The following COBL variants were observed in gnomAD, a reference collection of about 807,000 sequenced individuals.
COBL encodes the protein cordon-bleu WH2 repeat protein, also known as protein cordon-bleu.
A neutral mutation model predicts 98.8 loss-of-function variants in COBL; 51 were observed. The ratio of observed to expected loss-of-function variants is 0.52; its 90% CI spans 0.41 to 0.65. The LOEUF is 0.65. Ranked by LOEUF, COBL falls within the 30% of genes least tolerant of loss-of-function variation. The pLI is 0.00. For synonymous variants in COBL, 634 were observed against 651.7 expected (o/e 0.97, Z 0.41); for missense variants, 1,617 against 1,617.5 (o/e 1.00, Z 0.01).
intron 5 of COBL, among the ~76,000 whole-genome samples, chr7:51,166,315 AC>A (rs1192075548): frequency 1.3e-5 from 2 of 152,116 alleles, no homozygotes; most frequent in Non-Finnish European, 2.9e-5. Flanking sequence ...ATTGGTGGCT[AC>A]TATGAGCAAC....
chr7:51,142,079 A>T (rs2129012666), intron 5 of COBL, among the ~76,000 whole-genome samples: 1 of 152,306 alleles, frequency 6.6e-6, no homozygotes, highest in African/African-American at 2.4e-5. Context: ...AGAAAGAACC[A>T]TGAAGCATGC....
At chr7:51,274,289 G>A (rs1379273747) in intron 1 of COBL, among the ~76,000 whole-genome samples, 2 of 152,112 alleles carry the variant, frequency 1.3e-5, no homozygotes, top group African/African-American at 2.4e-5. Flanking sequence ...CTCACTGCTC[G>A]CAGGAGAAGA....
intron 1 of COBL, among the ~76,000 whole-genome samples, chr7:51,284,279 C>T (rs557472481): frequency 2.7e-5 from 4 of 150,398 alleles, no homozygotes; most frequent in African/African-American, 7.3e-5. Flanking sequence ...CCAGCCTGGG[C>T]AACAGAGCAA....
At chr7:51,239,842 A>G (rs1795609649) in intron 1 of COBL, among the ~76,000 whole-genome samples, 2 of 152,174 alleles carry the variant, frequency 1.3e-5, no homozygotes, top group South Asian at 2.1e-4. Flanking sequence ...TGTTTTATTG[A>G]TTGTCTAGAT....
rs80316706 is a variant in COBL at position 51,167,503 on chromosome 7, G to A, written c.783+16599C>T. ...GTATTGCTAAAATTTCCATACTACC[G>A]TAAGCATTCTACAAATTCAATGCAA... On this transcript the variant is annotated intron_variant, in intron 5 of 12. Coordinates refer to ENST00000265136, the MANE Select transcript of COBL (RefSeq NM_015198.5). 5.5e-3 allele frequency among the ~76,000 whole-genome samples: 835 copies of A among 151,718 alleles called. 8 individuals carry two copies. Among genetic ancestry groups the A allele is most frequent in the African/African-American group, 0.018 (762 of 41,380 alleles).
intron 7 of COBL, among the ~76,000 whole-genome samples, chr7:51,048,956 T>TATAGATATA (rs1789980784): frequency 1.3e-5 from 2 of 152,212 alleles, no homozygotes; most frequent in African/African-American, 4.8e-5. Context: ...CTTTTCCTCT[T>TATAGATATA]ATAGATATAA....
chr7:51,209,018 C>G (rs1792122755), intron 2 of COBL, among the ~76,000 whole-genome samples: 1 of 138,424 alleles, frequency 7.2e-6, no homozygotes, highest in Non-Finnish European at 1.5e-5. Flanking sequence ...AAATCCCCCT[C>G]TGTGAGAAAC....
intron 5 of COBL, among the ~76,000 whole-genome samples, chr7:51,142,029 G>A (rs1438416848): frequency 6.6e-6 from 1 of 152,100 alleles, no homozygotes; most frequent in Non-Finnish European, 1.5e-5. Context: ...CTGTCTTCTG[G>A]CATCCTGGAA....
At chr7:51,145,386 T>C (rs77181612) in intron 5 of COBL, among the ~76,000 whole-genome samples, 4 of 118,064 alleles carry the variant, frequency 3.4e-5, no homozygotes, top group East Asian at 2.8e-4. Context: ...CTTTTTTTTT[T>C]CTTTTTTTTC....
At chr7:51,045,299 AG>A (rs1189509622) in intron 7 of COBL, among the ~76,000 whole-genome samples, 1 of 152,246 alleles carries the variant, frequency 6.6e-6, no homozygotes, top group East Asian at 1.9e-4. Flanking sequence ...TGCTGCCCAC[AG>A]GGTCCCTGTT....
chr7:51,181,102 C>T (rs1351066060), intron 5 of COBL, among the ~76,000 whole-genome samples: 1 of 152,168 alleles, frequency 6.6e-6, no homozygotes, highest in Non-Finnish European at 1.5e-5. Context: ...CTCACTAAAA[C>T]ATCTTTTCTT....
At chr7:51,192,593 T>C (rs929553782) in intron 3 of COBL, among the ~76,000 whole-genome samples, 6 of 151,890 alleles carry the variant, frequency 4.0e-5, no homozygotes, top group African/African-American at 1.5e-4. Flanking sequence ...GCAACAAGAG[T>C]GAAGCTCCGT....
intron 1 of COBL, among the ~76,000 whole-genome samples, chr7:51,253,956 A>C (rs1273483401): frequency 1.3e-5 from 2 of 152,180 alleles, no homozygotes; most frequent in African/African-American, 2.4e-5. Flanking sequence ...ATATATAAAA[A>C]CTTGTGTAGT....
intron 6 of COBL, among the ~76,000 whole-genome samples, chr7:51,097,795 G>A (rs1198410146): frequency 2.6e-5 from 4 of 152,012 alleles, no homozygotes; most frequent in African/African-American, 7.3e-5. Context: ...AGGCCGAGGC[G>A]GGTGGATCAC....
In COBL at chr7:51,181,899, A is replaced by G. The variant is rs76914254; in HGVS notation, c.783+2203T>C. Among the ~76,000 whole-genome samples, 211 of 152,278 alleles carry G rather than the reference A, an allele frequency of 1.4e-3. 2 individuals carry two copies. The East Asian group carries it at 0.034, about 25-fold the overall frequency. ...ATCCACGGACGGGACTGGATCACTGACTGCGCCTTCACTGCTGTGTTGCCA... is the reference window on the plus strand; with the variant it reads ...ATCCACGGACGGGACTGGATCACTGGCTGCGCCTTCACTGCTGTGTTGCCA... On this transcript the variant is annotated intron_variant, in intron 5 of 12. Coordinates refer to ENST00000265136, the MANE Select transcript of COBL (RefSeq NM_015198.5).
At chr7:51,263,537 GTTC>G (rs1309748738) in intron 1 of COBL, among the ~76,000 whole-genome samples, 3 of 152,048 alleles carry the variant, frequency 2.0e-5, no homozygotes, top group Non-Finnish European at 4.4e-5. Flanking sequence ...AGAAAAAAAA[GTTC>G]TTTTTTTTTT....
At position 51,212,743 on chromosome 7, in the gene COBL, T is replaced by C. The variant is rs538149616; in HGVS notation, c.245+6998A>G. 1.4e-4 allele frequency among the ~76,000 whole-genome samples: 21 copies of C among 152,318 alleles called. No individual in the cohort carries two copies. In the South Asian group the frequency reaches 3.9e-3, roughly 29 times the overall value. Reference sequence around the variant, plus strand: ...TAGTGGCATGCACCATAGCAAGGGATTGCAAACTTTAACACGCAATCTGAA... The same window carrying C: ...TAGTGGCATGCACCATAGCAAGGGACTGCAAACTTTAACACGCAATCTGAA... On this transcript the variant is annotated intron_variant, in intron 2 of 12. Coordinates refer to ENST00000265136, the MANE Select transcript of COBL (RefSeq NM_015198.5).
At chr7:51,202,521 T>A (rs1203492049) in intron 2 of COBL, among the ~76,000 whole-genome samples, 1 of 152,126 alleles carries the variant, frequency 6.6e-6, no homozygotes, top group East Asian at 1.9e-4. Flanking sequence ...GTTTCAAGCA[T>A]CCACCAGAGG....
intron 6 of COBL, among the ~76,000 whole-genome samples, chr7:51,087,440 T>C (rs555785848): frequency 6.6e-6 from 1 of 152,150 alleles, no homozygotes; most frequent in Admixed American, 6.5e-5. Context: ...ATTCCCTCTA[T>C]TCAGTTCTGA....
Sources: gnomAD v4.1 joint callset for allele counts (sites outside exome capture counted in the v4.1 genomes callset) on GRCh38, gnomAD v4.1.1 for gene constraint, MANE v1.5 for transcripts, NCBI Gene and HGNC (gene_info 2026-07-23, HGNC 2026-07-21) for gene names.